TAFA1: variants seen among roughly 807,000 people sequenced by gnomAD.
TAFA1 encodes TAFA chemokine like family member 1, also known as chemokine-like protein TAFA-1.
Under a neutral mutation model 18.5 loss-of-function variants are expected in TAFA1, and 4 were observed. The ratio of observed to expected loss-of-function variants is 0.22; its 90% CI spans 0.11 to 0.49. The LOEUF (loss-of-function observed/expected upper bound fraction) is 0.49, where lower values mean the gene tolerates loss of function less well. Ranked by LOEUF, TAFA1 falls within the 20% of genes least tolerant of loss-of-function variation. The pLI, the probability that TAFA1 is intolerant of heterozygous loss-of-function variation, is 0.98. For synonymous variants in TAFA1, 56 were observed against 55.2 expected (o/e 1.01, Z -0.06); for missense variants, 147 against 169.0 (o/e 0.87, Z 0.72).
At chr3:68,198,912 A>G (rs148081250) in intron 2 of TAFA1, among the ~76,000 whole-genome samples, 159 of 151,584 alleles carry the variant, frequency 1.0e-3, no homozygotes, top group African/African-American at 3.5e-3. Flanking sequence ...TATGGAGCAT[A>G]CCTTTGCTGT....
chr3:68,127,522 T>A lies in TAFA1; in HGVS notation c.118+120778T>A, dbSNP rs1193896947. 4.8e-5 allele frequency among the ~76,000 whole-genome samples: 5 copies of A among 104,492 alleles called. No individual in the cohort carries two copies. The Admixed American group carries it at 5.3e-4, about 11-fold the overall frequency. The allele number at this position is 104,492 out of a possible 152,430, so 68.6% of individuals were successfully genotyped here. ...TTGGCTAATGGGTTTGGGTGAAACA[T>A]GGCACGGCTGCTGCTGTTGTGGACA... On this transcript the variant is annotated intron_variant, in intron 2 of 4. Coordinates refer to ENST00000478136, the MANE Select transcript of TAFA1 (RefSeq NM_213609.4).
chr3:68,113,302 C>T (rs925289677), intron 2 of TAFA1, among the ~76,000 whole-genome samples: 2 of 152,120 alleles, frequency 1.3e-5, no homozygotes, highest in Non-Finnish European at 2.9e-5. Flanking sequence ...GGTGGTGCTG[C>T]AGAGAAGTAG....
intron 3 of TAFA1, among the ~76,000 whole-genome samples, chr3:68,453,335 T>C (rs1370575472): frequency 6.6e-6 from 1 of 152,138 alleles, no homozygotes; most frequent in East Asian, 1.9e-4. Flanking sequence ...GTTTCCAAAA[T>C]GACAAAAATG....
Position 68,380,835 on chromosome 3 carries a change from G to A in TAFA1, c.119-36445G>A, listed in dbSNP as rs540663920. On this transcript the variant is annotated intron_variant, in intron 2 of 4. Coordinates refer to ENST00000478136, the MANE Select transcript of TAFA1 (RefSeq NM_213609.4). Reference sequence around the variant, plus strand: ...TTGCTTTTGGTGTTTTAGACATGAAGTCCTTGCCCATGCCTATGTCCTGAA... The same window carrying A: ...TTGCTTTTGGTGTTTTAGACATGAAATCCTTGCCCATGCCTATGTCCTGAA... Among the ~76,000 whole-genome samples, 116 of 150,280 alleles carry A rather than the reference G, an allele frequency of 7.7e-4. 3 individuals carry two copies. The highest frequency in any genetic ancestry group is 2.6e-3 in the African/African-American group (107 of 40,866).
chr3:68,452,628 T>A (rs533356367), intron 3 of TAFA1, among the ~76,000 whole-genome samples: 1 of 151,660 alleles, frequency 6.6e-6, no homozygotes. Context: ...CAAGCAGCCA[T>A]GTGAGTTTGA....
chr3:68,540,017 G>A lies in TAFA1; in HGVS notation c.384+1137G>A, dbSNP rs115322899. On this transcript the variant is annotated intron_variant, in intron 4 of 4. Transcript: ENST00000478136. ...AAAGGTCTGATGTATTTGAAAGGAT[G>A]TCTCTGTTTCCCACCCCTTATTATT... is the stretch of plus-strand genomic sequence containing the variant. 5.5e-3 allele frequency among the ~76,000 whole-genome samples: 834 copies of A among 152,218 alleles called. 9 individuals carry two copies. The highest frequency in any genetic ancestry group is 0.019 in the African/African-American group (807 of 41,526).
rs182066240 is a variant in TAFA1, at chr3:68,439,511, G to A, written c.259+22091G>A. Among the ~76,000 whole-genome samples the A allele has an allele frequency of 2.7e-5, 4 of 148,200 alleles. No homozygotes were observed. In the East Asian group the frequency reaches 8.0e-4, roughly 30 times the overall value. On this transcript the variant is annotated intron_variant, in intron 3 of 4. Transcript: ENST00000478136. Reference sequence around the variant, plus strand: ...TACAACAGGCCATCTGCAGGCCGAGGAGCTAGGAAGCCAGTCTGAGTCCCA... The same window carrying A: ...TACAACAGGCCATCTGCAGGCCGAGAAGCTAGGAAGCCAGTCTGAGTCCCA...
chr3:68,140,213 G>A (rs2065653460), intron 2 of TAFA1, among the ~76,000 whole-genome samples: 1 of 152,174 alleles, frequency 6.6e-6, no homozygotes, highest in South Asian at 2.1e-4. Context: ...CTTGAGGTTG[G>A]TTATCAAAGT....
At chr3:68,141,263 A>T (rs2065664133) in intron 2 of TAFA1, among the ~76,000 whole-genome samples, 1 of 152,188 alleles carries the variant, frequency 6.6e-6, no homozygotes, top group Non-Finnish European at 1.5e-5. Context: ...CCTATGTCTA[A>T]GGTGGACACT....
chr3:68,176,617 A>T (rs537432134), intron 2 of TAFA1, among the ~76,000 whole-genome samples: 4 of 152,228 alleles, frequency 2.6e-5, no homozygotes, highest in Non-Finnish European at 5.9e-5. Context: ...ATACTCATTA[A>T]AATTTGCATA....
chr3:68,378,072 G>A (rs2069853883), intron 2 of TAFA1, among the ~76,000 whole-genome samples: 1 of 152,222 alleles, frequency 6.6e-6, no homozygotes, highest in African/African-American at 2.4e-5. Context: ...GGGTAGTGTG[G>A]AAGGGAAATG....
At chr3:68,461,017 C>T (rs527511189) in intron 3 of TAFA1, among the ~76,000 whole-genome samples, 29 of 152,198 alleles carry the variant, frequency 1.9e-4, no homozygotes, top group Admixed American at 1.7e-3. Flanking sequence ...TGTGGTGGCT[C>T]ATGCCTGTAA....
At chr3:68,304,186 G>A (rs4855325) in intron 2 of TAFA1, among the ~76,000 whole-genome samples, 3,944 of 152,290 alleles carry the variant, frequency 0.026, 89 homozygotes, top group East Asian at 0.098. Flanking sequence ...CAATAGCTGT[G>A]TGATTTAAAT....
chr3:68,493,954 T>A (rs2072499128), intron 3 of TAFA1, among the ~76,000 whole-genome samples: 1 of 152,182 alleles, frequency 6.6e-6, no homozygotes. Flanking sequence ...ACCAGGAGTT[T>A]ATTCAGTCTC....
intron 2 of TAFA1, among the ~76,000 whole-genome samples, chr3:68,390,632 G>A (rs997240970): frequency 6.6e-6 from 1 of 152,236 alleles, no homozygotes; most frequent in African/African-American, 2.4e-5. Context: ...AGGTGGCCCT[G>A]TGGGACAAAG....
chr3:68,270,227 A>C (rs139007571), intron 2 of TAFA1, among the ~76,000 whole-genome samples: 9 of 152,160 alleles, frequency 5.9e-5, no homozygotes, highest in African/African-American at 2.2e-4. Flanking sequence ...TAATCCCTCT[A>C]AGCCCCTGTT....
At chr3:68,129,869 TG>T (rs1209633965) in intron 2 of TAFA1, among the ~76,000 whole-genome samples, 1 of 152,160 alleles carries the variant, frequency 6.6e-6, no homozygotes, top group African/African-American at 2.4e-5. Context: ...TTGTTTTCCT[TG>T]TTCCTTTCCT....
intron 2 of TAFA1, among the ~76,000 whole-genome samples, chr3:68,395,237 A>G (rs572191431): frequency 1.2e-4 from 19 of 152,338 alleles, no homozygotes; most frequent in Non-Finnish European, 2.2e-4. Context: ...TAAAAGCACA[A>G]TGAGATACCA....
rs545262009 is a variant in TAFA1 at position 68,423,244 on chromosome 3, C to G, written c.259+5824C>G. ...CTATTATGTGCTACTGTCCCAACTA[C>G]TCTAAGTCTATACACTTATTTAATT... On this transcript the variant is annotated intron_variant, in intron 3 of 4. Transcript: ENST00000478136. 2.6e-5 allele frequency among the ~76,000 whole-genome samples: 4 copies of G among 152,172 alleles called. No homozygotes were observed. In the South Asian group the frequency reaches 6.2e-4, roughly 24 times the overall value.
Sources: gnomAD v4.1 joint callset for allele counts (sites outside exome capture counted in the v4.1 genomes callset) on GRCh38, gnomAD v4.1.1 for gene constraint, MANE v1.5 for transcripts, NCBI Gene and HGNC (gene_info 2026-07-23, HGNC 2026-07-21) for gene names.